Variants in NRG3 observed in about 807,000 individuals in gnomAD.
The protein encoded by NRG3 is neuregulin 3, also known as pro-neuregulin-3, membrane-bound isoform.
NRG3 carries 31 observed loss-of-function variants against 66.9 expected under a neutral mutation model. The observed-to-expected ratio is 0.46, with a 90% CI of 0.35 to 0.63. NRG3 has a LOEUF of 0.63. NRG3 is among the 20% of genes least tolerant of loss of function. The pLI is 0.00. For missense variants in NRG3, 910 were observed against 878.9 expected (o/e 1.04, Z -0.45); for synonymous variants, 393 against 359.4 (o/e 1.09, Z -1.06).
chr10:82,560,751 A>C (rs901034766), intron 2 of NRG3, among the ~76,000 whole-genome samples: 1 of 151,420 alleles, frequency 6.6e-6, no homozygotes, highest in African/African-American at 2.4e-5. Flanking sequence ...GTTTTTGTGA[A>C]ATGTCTCATA....
chr10:82,270,428 C>G (rs2078532241), intron 1 of NRG3, among the ~76,000 whole-genome samples: 1 of 152,058 alleles, frequency 6.6e-6, no homozygotes, highest in South Asian at 2.1e-4. Flanking sequence ...TTGGGACTTT[C>G]CTTGTACTGA....
At chr10:82,107,839 T>C (rs562909702) in intron 1 of NRG3, among the ~76,000 whole-genome samples, 174 of 152,282 alleles carry the variant, frequency 1.1e-3, no homozygotes, top group African/African-American at 3.8e-3. Context: ...GAGTAAACAG[T>C]TGAGTTTACA....
At chr10:82,203,819 A>G (rs1256163312) in intron 1 of NRG3, among the ~76,000 whole-genome samples, 1 of 152,176 alleles carries the variant, frequency 6.6e-6, no homozygotes, top group African/African-American at 2.4e-5. Context: ...ATTTAACAAC[A>G]GCCAGGAACA....
chr10:82,900,850 A>G (rs1284264187), intron 4 of NRG3, among the ~76,000 whole-genome samples: 1 of 152,206 alleles, frequency 6.6e-6, no homozygotes, highest in African/African-American at 2.4e-5. Flanking sequence ...TGATGACTGC[A>G]TTAGTTTAAA....
chr10:81,990,578 T>C (rs181687407), intron 1 of NRG3, among the ~76,000 whole-genome samples: 32 of 152,260 alleles, frequency 2.1e-4, no homozygotes, highest in Non-Finnish European at 8.8e-5. Flanking sequence ...GATAATTAAG[T>C]AAGATAAGTT....
intron 1 of NRG3, among the ~76,000 whole-genome samples, chr10:81,988,088 A>G (rs2060593883): frequency 6.6e-6 from 1 of 152,206 alleles, no homozygotes; most frequent in Non-Finnish European, 1.5e-5. Context: ...AACAAAGAAA[A>G]AACCAAAATG....
intron 4 of NRG3, among the ~76,000 whole-genome samples, chr10:82,933,539 C>T (rs1003267122): frequency 3.3e-5 from 5 of 152,152 alleles, no homozygotes; most frequent in East Asian, 1.9e-4. Flanking sequence ...TGTGTCCATT[C>T]GCCAGCTAGA....
intron 4 of NRG3, among the ~76,000 whole-genome samples, chr10:82,885,947 C>T (rs1367990294): frequency 6.6e-6 from 1 of 152,122 alleles, no homozygotes; most frequent in Non-Finnish European, 1.5e-5. Flanking sequence ...TCTCGGCTCA[C>T]TGCAATCTCC....
At chr10:82,284,930 A>G (rs2079331088) in intron 1 of NRG3, among the ~76,000 whole-genome samples, 1 of 152,192 alleles carries the variant, frequency 6.6e-6, no homozygotes, top group Non-Finnish European at 1.5e-5. Context: ...ACAGAAAAAC[A>G]TTACGTTTAA....
intron 2 of NRG3, among the ~76,000 whole-genome samples, chr10:82,396,566 C>T (rs2086727574): frequency 6.6e-6 from 1 of 152,182 alleles, no homozygotes; most frequent in Non-Finnish European, 1.5e-5. Flanking sequence ...GCACAGCAAC[C>T]AATCGCTGAC....
intron 2 of NRG3, among the ~76,000 whole-genome samples, chr10:82,566,960 T>C (rs2133074779): frequency 6.6e-6 from 1 of 152,070 alleles, no homozygotes; most frequent in South Asian, 2.1e-4. Context: ...TTATTTCTTA[T>C]TCATGTAGAG....
At chr10:81,938,403 TCCA>T (rs1848090429) in intron 1 of NRG3, among the ~76,000 whole-genome samples, 3 of 151,350 alleles carry the variant, frequency 2.0e-5, no homozygotes, top group Non-Finnish European at 3.0e-5. Context: ...TTTTTTTTTT[TCCA>T]GCAATGTCTT....
At chr10:82,885,211 A>AT (rs1842627085) in intron 4 of NRG3, among the ~76,000 whole-genome samples, 1 of 152,210 alleles carries the variant, frequency 6.6e-6, no homozygotes, top group African/African-American at 2.4e-5. Context: ...TTATGTATAT[A>AT]TTTTACTACA....
intron 1 of NRG3, among the ~76,000 whole-genome samples, chr10:82,297,257 CT>C (rs1448060245): frequency 1.4e-5 from 2 of 139,224 alleles, no homozygotes; most frequent in Non-Finnish European, 3.0e-5. Flanking sequence ...ATGCAGGTGT[CT>C]TTTTGATAAA....
At chr10:82,361,077 T>C (rs1407660343) in intron 2 of NRG3, among the ~76,000 whole-genome samples, 1 of 152,216 alleles carries the variant, frequency 6.6e-6, no homozygotes, top group African/African-American at 2.4e-5. Context: ...ATTTTATATT[T>C]TTGTAGATAA....
chr10:81,969,531 A>T (rs2059849888), intron 1 of NRG3, among the ~76,000 whole-genome samples: 1 of 152,166 alleles, frequency 6.6e-6, no homozygotes, highest in African/African-American at 2.4e-5. Flanking sequence ...CTGACATTTC[A>T]TTTTAAAATG....
intron 4 of NRG3, among the ~76,000 whole-genome samples, chr10:82,869,491 A>C (rs1449342303): frequency 6.6e-6 from 1 of 152,022 alleles, no homozygotes; most frequent in Non-Finnish European, 1.5e-5. Context: ...TATCCTACAG[A>C]GTAGGTTTAC....
chr10:82,303,632 G>C (rs949646171), intron 1 of NRG3, among the ~76,000 whole-genome samples: 4 of 152,172 alleles, frequency 2.6e-5, no homozygotes, highest in African/African-American at 7.2e-5. Context: ...CACTTTGGGA[G>C]GCCGAGGTGG....
chr10:82,528,265 A>G (rs779481092), intron 2 of NRG3, among the ~76,000 whole-genome samples: 11 of 152,156 alleles, frequency 7.2e-5, no homozygotes, highest in Non-Finnish European at 8.8e-5. Flanking sequence ...AGCTAAATAT[A>G]TAGAGGTACG....
Sources: allele counts gnomAD v4.1 joint callset (sites outside exome capture counted in the v4.1 genomes callset), GRCh38; gene constraint gnomAD v4.1.1; transcripts MANE v1.5; gene names NCBI Gene and HGNC (gene_info 2026-07-23, HGNC 2026-07-21).